The following ZNF385D variants were observed in gnomAD, a reference collection of about 807,000 sequenced individuals.
The protein encoded by ZNF385D is zinc finger protein 385D, also known as zinc finger protein 659.
A neutral mutation model predicts 35.8 loss-of-function variants in ZNF385D; 15 were observed. That is an observed-to-expected ratio of 0.42 (90% confidence interval 0.28 to 0.64). The LOEUF (loss-of-function observed/expected upper bound fraction) is 0.64. Among genes scored for constraint, ZNF385D ranks in the 30% least tolerant of loss-of-function variants. The pLI is 0.23. For missense variants in ZNF385D, 474 were observed against 494.6 expected, an observed-to-expected ratio of 0.96 and a Z score of 0.39; for synonymous variants, 212 against 186.8, an observed-to-expected ratio of 1.13 and a Z score of -1.10.
intron 1 of ZNF385D, among the ~76,000 whole-genome samples, chr3:21,714,124 C>A (rs1159807119): frequency 6.6e-6 from 1 of 152,196 alleles, no homozygotes; most frequent in African/African-American, 2.4e-5. Flanking sequence ...TTCACCCATA[C>A]AGCTGATTTG....
chr3:21,889,940 T>TGTGCCTGTGTGTGC (rs1559727010), intron 3 of ZNF385D, among the ~76,000 whole-genome samples: 8 of 152,094 alleles, frequency 5.3e-5, no homozygotes, highest in Admixed American at 1.3e-4. Context: ...AGCATCTCTG[T>TGTGCCTGTGTGTGC]GTGTGCCTGT....
rs558234791 is a variant in ZNF385D, at chr3:22,192,167, G to A, written c.107-23132C>T. Among the ~76,000 whole-genome samples the A allele has an allele frequency of 1.4e-4, 22 of 152,208 alleles. No individual in the cohort carries two copies. In the South Asian group the frequency reaches 4.6e-3, roughly 32 times the overall value. ...CAGATTGCAGTAACTTAGTCCAAAG[G>A]AGGACATATGAGCCACACCAGGTCA... On this transcript the variant is annotated intron_variant, in intron 2 of 5. Coordinates refer to the ZNF385D transcript ENST00000494108.
intron 3 of ZNF385D, among the ~76,000 whole-genome samples, chr3:21,997,031 C>T (rs570720609): frequency 6.6e-6 from 1 of 150,718 alleles, no homozygotes; most frequent in South Asian, 2.2e-4. Flanking sequence ...CTTAATGAAA[C>T]CATCAAAGGA....
intron 3 of ZNF385D, among the ~76,000 whole-genome samples, chr3:22,088,680 G>C (rs980146583): frequency 3.3e-5 from 5 of 151,606 alleles, no homozygotes; most frequent in Non-Finnish European, 7.4e-5. Context: ...AGCTGCAGTG[G>C]TAGAAGCTAC....
intron 3 of ZNF385D, among the ~76,000 whole-genome samples, chr3:21,966,022 G>T (rs1036222493): frequency 6.6e-6 from 1 of 152,168 alleles, no homozygotes; most frequent in Non-Finnish European, 1.5e-5. Flanking sequence ...ATGTAGAAAA[G>T]TTTACAAGTA....
chr3:21,973,913 A>G (rs1016546545), intron 3 of ZNF385D, among the ~76,000 whole-genome samples: 9 of 152,096 alleles, frequency 5.9e-5, no homozygotes, highest in Admixed American at 1.3e-4. Context: ...TTGATGTAAG[A>G]AATTGAAGAG....
chr3:21,955,824 C>A (rs1436375192), intron 3 of ZNF385D, among the ~76,000 whole-genome samples: 1 of 152,030 alleles, frequency 6.6e-6, no homozygotes, highest in African/African-American at 2.4e-5. Flanking sequence ...TGGTGTGACA[C>A]AGATAATTCA....
At chr3:21,705,630 C>T (rs2067867740) in intron 1 of ZNF385D, among the ~76,000 whole-genome samples, 1 of 152,186 alleles carries the variant, frequency 6.6e-6, no homozygotes, top group South Asian at 2.1e-4. Context: ...CTTCATTTTA[C>T]ACCTGGGGAA....
intron 2 of ZNF385D, among the ~76,000 whole-genome samples, chr3:22,343,822 T>C (rs1359855877): frequency 3.3e-5 from 5 of 152,186 alleles, no homozygotes; most frequent in Non-Finnish European, 7.3e-5. Context: ...CAGTGCCCCT[T>C]GTACAGTCAT....
chr3:21,675,695 A>T (rs1351175290), intron 1 of ZNF385D, among the ~76,000 whole-genome samples: 1 of 152,246 alleles, frequency 6.6e-6, no homozygotes, highest in South Asian at 2.1e-4. Context: ...GCAAAGGATT[A>T]TTCAAAAAGC....
intron 3 of ZNF385D, among the ~76,000 whole-genome samples, chr3:22,060,656 G>T (rs1699641225): frequency 6.6e-6 from 1 of 152,034 alleles, no homozygotes; most frequent in Non-Finnish European, 1.5e-5. Context: ...AACAGCCATG[G>T]AAACTAGTGA....
At position 21,441,275 on chromosome 3, in the gene ZNF385D, G is replaced by A. The variant is rs36009043; in HGVS notation, c.440-4072C>T. Among the ~76,000 whole-genome samples the A allele has an allele frequency of 2.1e-3, 323 of 152,212 alleles. 3 individuals carry two copies. Among genetic ancestry groups the A allele is most frequent in the Middle Eastern group, 0.017 (5 of 294 alleles). ...TTAATAATAGCTAATCATCGTGGAAGCACTTTTAAAGTATTTACAAGTATT... is the reference window on the plus strand; with the variant it reads ...TTAATAATAGCTAATCATCGTGGAAACACTTTTAAAGTATTTACAAGTATT... On this transcript the variant is annotated intron_variant, in intron 4 of 7. Transcript: ENST00000281523.
At chr3:21,653,492 T>G (rs1303985401) in intron 2 of ZNF385D, among the ~76,000 whole-genome samples, 1 of 152,114 alleles carries the variant, frequency 6.6e-6, no homozygotes. Flanking sequence ...CATATGTGCA[T>G]AAACATATGT....
At chr3:22,037,890 A>G (rs1698437451) in intron 3 of ZNF385D, among the ~76,000 whole-genome samples, 1 of 152,168 alleles carries the variant, frequency 6.6e-6, no homozygotes, top group African/African-American at 2.4e-5. Context: ...ATATAGACCA[A>G]TGGAACAGAA....
chr3:21,835,690 A>G (rs1695288510), intron 3 of ZNF385D, among the ~76,000 whole-genome samples: 2 of 152,090 alleles, frequency 1.3e-5, no homozygotes, highest in Admixed American at 1.3e-4. Flanking sequence ...GGTAAACCAG[A>G]AATTATACTT....
intron 1 of ZNF385D, among the ~76,000 whole-genome samples, chr3:21,736,307 G>T (rs907567658): frequency 1.1e-4 from 17 of 152,086 alleles, no homozygotes; most frequent in African/African-American, 4.1e-4. Context: ...TTACCATAAA[G>T]ACATGCTATA....
chr3:22,194,112 A>G (rs1333898751), intron 2 of ZNF385D, among the ~76,000 whole-genome samples: 3 of 151,984 alleles, frequency 2.0e-5, no homozygotes, highest in Non-Finnish European at 2.9e-5. Flanking sequence ...GAATGGTAAC[A>G]CAGAAGAATT....
chr3:21,934,975 A>G (rs1701190836), intron 3 of ZNF385D, among the ~76,000 whole-genome samples: 1 of 152,198 alleles, frequency 6.6e-6, no homozygotes, highest in Non-Finnish European at 1.5e-5. Context: ...GATGAGCAAA[A>G]ACATTTTACT....
At chr3:21,753,770 G>GT (rs869213629), upstream of ZNF385D, among the ~76,000 whole-genome samples, 3 of 14,740 alleles carry the variant, frequency 2.0e-4, no homozygotes, top group Non-Finnish European at 6.1e-4. Context: ...TTTGGTGGTT[G>GT]TTGTTGTTGT....
Sources: gnomAD v4.1 joint callset for allele counts (sites outside exome capture counted in the v4.1 genomes callset) on GRCh38, gnomAD v4.1.1 for gene constraint, MANE v1.5 for transcripts, NCBI Gene and HGNC (gene_info 2026-07-23, HGNC 2026-07-21) for gene names.